Variants in ASPHD1 observed in about 807,000 individuals in gnomAD.
ASPHD1 encodes aspartate beta-hydroxylase domain-containing protein 1.
A neutral mutation model predicts 28.3 loss-of-function variants in ASPHD1; 20 were observed. That is an observed-to-expected ratio of 0.71 (90% CI 0.50 to 1.03). The LOEUF (loss-of-function observed/expected upper bound fraction) is 1.03. ASPHD1 is among the 50% of genes least tolerant of loss of function. ASPHD1 has a pLI of 0.00. For synonymous variants in ASPHD1, 240 were observed against 221.2 expected, an observed-to-expected ratio of 1.08 and a Z score of -0.75; for missense variants, 479 against 524.1, an observed-to-expected ratio of 0.91 and a Z score of 0.84.
downstream of ASPHD1, among the ~76,000 whole-genome samples, chr16:29,909,040 C>T (rs1486765125): frequency 7.0e-6 from 1 of 143,458 alleles, no homozygotes; most frequent in Non-Finnish European, 1.6e-5. Flanking sequence ...TTCTTGGAAG[C>T]TGGGTCACTG....
chr16:29,910,482 C>G (rs1375455120), downstream of ASPHD1, among the ~76,000 whole-genome samples: 12 of 152,088 alleles, frequency 7.9e-5, no homozygotes, highest in Admixed American at 7.2e-4. Flanking sequence ...GCTGGGATTA[C>G]AGGTGCATGC....
downstream of ASPHD1, among the ~76,000 whole-genome samples, chr16:29,909,096 T>C (rs992710795): frequency 3.3e-5 from 5 of 152,064 alleles, no homozygotes; most frequent in Non-Finnish European, 7.4e-5. Flanking sequence ...GCTTCCACTG[T>C]GTGAAAAGGG....
At position 29,900,817 on chromosome 16, in the gene ASPHD1, G is replaced by T. The variant is rs2068530537; in HGVS notation, c.-155G>T. On this transcript the variant is annotated 5_prime_UTR_variant, in exon 1 of 3. In the 5' UTR this introduces an upstream ATG that the reference lacks. Transcript: ENST00000308748. ...GCGAAAAGCGGGGGTGGGGAGGAAA[G>T]GGGGAGATTGAGGTGGGAGAGAGAA... is the stretch of plus-strand genomic sequence containing the variant. The T allele has an allele frequency of 1.4e-6, 1 of 693,888 alleles. No homozygotes were observed. The highest frequency in any genetic ancestry group is 1.8e-5 in the African/African-American group (1 of 55,312). 43.0% of individuals were successfully genotyped at this position (693,888 alleles called of 1,614,324 possible).
At chr16:29,915,574 C>T (rs966258233) in intron 3 of ASPHD1, among the ~76,000 whole-genome samples, 1 of 151,124 alleles carries the variant, frequency 6.6e-6, no homozygotes, top group Non-Finnish European at 1.5e-5. Context: ...ATCACTTGAA[C>T]CCAGGAGGAG....
Position 29,911,752 on chromosome 16 carries a change from G to C in ASPHD1, c.*62+5793G>C. 6 of 1,579,610 alleles carry C rather than the reference G, an allele frequency of 3.8e-6. No individual in the cohort carries two copies. The South Asian group carries it at 6.7e-5, about 18-fold the overall frequency. Reference sequence around the variant, plus strand: ...CCGTGTGGCCGTGGCCCTCGCCTTGGGCAGAAGCAGGGCTGTGCTGCATCC... The same window carrying C: ...CCGTGTGGCCGTGGCCCTCGCCTTGCGCAGAAGCAGGGCTGTGCTGCATCC... On this transcript the variant is annotated intron_variant and NMD_transcript_variant, in intron 3 of 3. Coordinates refer to the ASPHD1 transcript ENST00000414952.
At chr16:29,906,831 T>G (rs1482195369), downstream of ASPHD1, 2 of 1,556,222 alleles carry the variant, frequency 1.3e-6, no homozygotes, top group East Asian at 4.5e-5. Flanking sequence ...AGAGAGGGAC[T>G]GGGTCCCAAG....
At chr16:29,910,899 C>A (rs2068695278), downstream of ASPHD1, 1 of 1,389,838 alleles carries the variant, frequency 7.2e-7, no homozygotes, top group East Asian at 2.3e-5. Context: ...GGGCTCCTTC[C>A]CCTGCCAACC....
At chr16:29,917,170 C>A (rs2068824554) in intron 3 of ASPHD1, among the ~76,000 whole-genome samples, 1 of 152,110 alleles carries the variant, frequency 6.6e-6, no homozygotes, top group Non-Finnish European at 1.5e-5. Flanking sequence ...GCCTGGAAAC[C>A]AGGAGGCAAG....
chr16:29,901,782 G>A lies in ASPHD1; in HGVS notation c.811G>A (p.Ala271Thr), dbSNP rs757072493. ...QPSNCRRCPG[A>T]YRALRGLRSF... ...CAGCAACTGCCGCCGGTGCCCGGGG[G>A]CCTATCGGGCACTGAGGGGGCTTCG... Residue 271 changes from alanine (A) to threonine (T), a missense_variant, in exon 1 of 3, where the codon GCC (alanine) becomes ACC (threonine). Transcript: ENST00000308748. This position sits in a 1 kb window ranked among gnomAD's most constrained non-coding sequence, Gnocchi z 5.1. 7 of 1,558,264 alleles carry A rather than the reference G, an allele frequency of 4.5e-6. No homozygotes were observed. In the Admixed American group the frequency reaches 9.8e-5, roughly 22 times the overall value.
chr16:29,905,860 G>A lies in ASPHD1; in HGVS notation c.1136G>A (p.Arg379His), dbSNP rs758829857. The change falls in exon 3 of 3, where the codon CGC (arginine) becomes CAC (histidine). Residue 379 changes from arginine (R) to histidine (H), a missense_variant. Arg to His is a conservative substitution (Grantham distance 29). Transcript: ENST00000308748. ...CACCCCAACGTGGCAGGGGCTGAGC[G>A]CCAGGCCCTCGACTTTGTCTTCGCC... is the stretch of plus-strand genomic sequence containing the variant. Reference protein sequence around the residue: ...LWHPNVAGAERQALDFVFAPD... With the variant: ...LWHPNVAGAEHQALDFVFAPD... 3.1e-6 allele frequency: 5 copies of A among 1,613,558 alleles called. No homozygotes were observed. The highest frequency in any genetic ancestry group is 1.1e-5 in the South Asian group (1 of 91,054).
Position 29,901,366 on chromosome 16 carries a change from G to T in ASPHD1, c.395G>T (p.Gly132Val), listed in dbSNP as rs200587819. The T allele has an allele frequency of 1.3e-6, 2 of 1,595,192 alleles. No homozygotes were observed. The highest frequency in any genetic ancestry group is 1.7e-6 in the Non-Finnish European group (2 of 1,172,120). The part of the protein sequence containing the change: ...CSEAGGPSPG[G>V]PGDPGEGPRT... ...GAGGCCGGCGGGCCAAGCCCAGGGGGTCCTGGGGATCCCGGGGAAGGACCT... is the reference window on the plus strand; with the variant it reads ...GAGGCCGGCGGGCCAAGCCCAGGGGTTCCTGGGGATCCCGGGGAAGGACCT... Residue 132 changes from glycine (G) to valine (V), a missense_variant, in exon 1 of 3, where the codon GGT (glycine) becomes GTT (valine). By Grantham distance (109) the Gly-to-Val change is moderately radical. Coordinates refer to ENST00000308748, the MANE Select transcript of ASPHD1 (RefSeq NM_181718.4). The surrounding 1 kb of genome is among the most constrained non-coding windows in gnomAD (Gnocchi z 5.1).
chr16:29,905,707 C>G, intron 2 of ASPHD1, 81 bp from the exon 3 acceptor site: 14 of 692,276 alleles, frequency 2.0e-5, no homozygotes, highest in East Asian at 4.2e-5. Flanking sequence ...TTACTGTTTG[C>G]TTTTATGGTG....
intron 3 of ASPHD1, chr16:29,911,066 C>G (rs760599600): frequency 1.2e-6 from 2 of 1,614,212 alleles, no homozygotes; most frequent in Admixed American, 1.7e-5. Context: ...AGACCAGCAG[C>G]AGATCTCGTC....
At position 29,901,269 on chromosome 16, in the gene ASPHD1, TC is replaced by T; in HGVS notation, c.301del (p.Gln101LysfsTer6). 3.7e-6 allele frequency: 6 copies of T among 1,613,072 alleles called. No individual in the cohort carries two copies. Among genetic ancestry groups the T allele is most frequent in the Non-Finnish European group, 5.1e-6 (6 of 1,179,850 alleles). On this transcript the variant is annotated frameshift_variant, in exon 1 of 3. Coordinates refer to ENST00000308748, the MANE Select transcript of ASPHD1 (RefSeq NM_181718.4). LOFTEE classifies it high-confidence loss of function. The surrounding 1 kb of genome is among the most constrained non-coding windows in gnomAD (Gnocchi z 5.1). The part of the protein sequence containing the change: ...LFLWYCYRLG[S>X]QDMQALGAGS... The stretch of plus-strand genomic sequence containing the variant: ...CCTCTGGTACTGCTACCGCCTGGGC[TC>T]CCAAGACATGCAGGCCCTAGGGGCT...
chr16:29,916,511 T>C (rs1187993605), intron 3 of ASPHD1, among the ~76,000 whole-genome samples: 1 of 152,208 alleles, frequency 6.6e-6, no homozygotes, highest in African/African-American at 2.4e-5. Context: ...CAGACCCCCA[T>C]TCCAGAAACC....
chr16:29,908,831 T>G (rs2068657169), downstream of ASPHD1, among the ~76,000 whole-genome samples: 1 of 152,008 alleles, frequency 6.6e-6, no homozygotes, highest in Admixed American at 6.6e-5. Context: ...GCTTCCTGAG[T>G]ACCTGGGTGT....
chr16:29,901,470 C>A lies in ASPHD1; in HGVS notation c.499C>A (p.Arg167=). ...CTGGGCTGGGATGGGTAGAGTGAGG[C>A]GGGCAGCTCAGGGTGGCCCAGGCCC... The part of the protein sequence containing the change: ...YSWAGMGRVR[R]AAQGGPGPGR... Residue 167 remains arginine (R), a synonymous_variant, in exon 1 of 3, where the codon CGG becomes AGG. Coordinates refer to ENST00000308748, the MANE Select transcript of ASPHD1 (RefSeq NM_181718.4). This position sits in a 1 kb window ranked among gnomAD's most constrained non-coding sequence, Gnocchi z 5.1. The A allele has an allele frequency of 6.3e-7, 1 of 1,586,892 alleles. No homozygotes were observed. Among genetic ancestry groups the A allele is most frequent in the Non-Finnish European group, 8.6e-7 (1 of 1,165,662 alleles).
In ASPHD1 at chr16:29,902,883, C is replaced by CTTT. The variant is rs370689330; in HGVS notation, c.949+966_949+968dup. ...CAGTAGCACCAAACTGAGATTTTTT[C>CTTT]TTTTTCTTTTTTTTTTTTTTTTGAG... On this transcript the variant is annotated intron_variant, in intron 1 of 2. Coordinates refer to ENST00000308748, the MANE Select transcript of ASPHD1 (RefSeq NM_181718.4). Among the ~76,000 whole-genome samples the CTTT allele has an allele frequency of 5.8e-3, 622 of 107,454 alleles. 52 individuals are homozygous for CTTT. The highest frequency in any genetic ancestry group is 7.1e-3 in the Non-Finnish European group (393 of 54,996). 70.5% of individuals were successfully genotyped at this position (107,454 alleles called of 152,430 possible).
In ASPHD1 at chr16:29,902,883, C is replaced by CTTTTTTT. The variant is rs370689330; in HGVS notation, c.949+968_949+969insTTTTTTT. On this transcript the variant is annotated intron_variant, in intron 1 of 2. Transcript: ENST00000308748. ...CAGTAGCACCAAACTGAGATTTTTT[C>CTTTTTTT]TTTTTCTTTTTTTTTTTTTTTTGAG... 9.3e-5 allele frequency among the ~76,000 whole-genome samples: 10 copies of CTTTTTTT among 107,550 alleles called. 1 individual carries two copies. Among genetic ancestry groups the CTTTTTTT allele is most frequent in the African/African-American group, 8.0e-5 (2 of 24,898 alleles). 70.6% of individuals were successfully genotyped at this position (107,550 alleles called of 152,430 possible).
Sources: gnomAD v4.1 joint callset for allele counts (sites outside exome capture counted in the v4.1 genomes callset) on GRCh38, gnomAD v4.1.1 for gene constraint, Gnocchi (gnomAD v3.1) non-coding constraint, MANE v1.5 for transcripts, NCBI Gene and HGNC (gene_info 2026-07-23, HGNC 2026-07-21) for gene names.